DIP2C: variants seen among roughly 807,000 people sequenced by gnomAD.
The protein encoded by DIP2C is DIP2 acetate--CoA ligase C (putative).
In DIP2C, 33 loss-of-function variants were observed where a neutral mutation model predicts 192.4. That is an observed-to-expected ratio of 0.17 (90% confidence interval 0.13 to 0.23). The LOEUF is 0.23. Among genes scored for constraint, DIP2C ranks in the 10% least tolerant of loss-of-function variants. The pLI is 1.00. For missense variants in DIP2C, 1,537 were observed against 2,110.1 expected, an observed-to-expected ratio of 0.73 and a Z score of 5.32; for synonymous variants, 979 against 864.1, an observed-to-expected ratio of 1.13 and a Z score of -2.33.
chr10:406,395 C>T (rs1964809402), intron 9 of DIP2C, among the ~76,000 whole-genome samples: 1 of 152,238 alleles, frequency 6.6e-6, no homozygotes, highest in African/African-American at 2.4e-5. Context: ...CTTTGCATTC[C>T]TCTCCCCCAG....
intron 1 of DIP2C, among the ~76,000 whole-genome samples, chr10:535,925 C>A (rs1847669090): frequency 6.6e-6 from 1 of 152,246 alleles, no homozygotes; most frequent in Non-Finnish European, 1.5e-5. Flanking sequence ...ACATTTTCAA[C>A]ATTTCTCTCC....
intron 31 of DIP2C, among the ~76,000 whole-genome samples, chr10:315,394 T>C (rs1417831065): frequency 6.6e-6 from 1 of 152,228 alleles, no homozygotes; most frequent in Non-Finnish European, 1.5e-5. Context: ...ATTCTTACTA[T>C]TTCTTGTGAC....
chr10:679,079 A>G (rs1387940956), intron 1 of DIP2C, among the ~76,000 whole-genome samples: 1 of 4,856 alleles, frequency 2.1e-4, no homozygotes, highest in African/African-American at 2.7e-4. Flanking sequence ...CATGCTCCCC[A>G]CACCCGTGCT....
intron 1 of DIP2C, among the ~76,000 whole-genome samples, chr10:646,587 C>A (rs569386042): frequency 6.6e-6 from 1 of 152,316 alleles, no homozygotes. Flanking sequence ...TTTTACTTTG[C>A]TGTTAAATTA....
intron 4 of DIP2C, among the ~76,000 whole-genome samples, chr10:438,383 G>C (rs552730876): frequency 2.0e-5 from 3 of 152,096 alleles, no homozygotes; most frequent in Non-Finnish European, 4.4e-5. Context: ...TTTCAAGTGG[G>C]TTATCCTTTT....
At chr10:491,352 ATGTTGGGAATTCTACGGC>A (rs1171420888) in intron 1 of DIP2C, among the ~76,000 whole-genome samples, 2 of 152,362 alleles carry the variant, frequency 1.3e-5, no homozygotes, top group East Asian at 3.9e-4. Context: ...AATCGTTTCC[ATGTTGGGAATTCTACGGC>A]TGTCAGGAGC....
chr10:569,285 G>A (rs1849639050), intron 1 of DIP2C, among the ~76,000 whole-genome samples: 1 of 152,156 alleles, frequency 6.6e-6, no homozygotes, highest in African/African-American at 2.4e-5. Context: ...TAATGTCATT[G>A]ATTCTCAAGC....
chr10:367,414 CAG>C (rs760435508), intron 18 of DIP2C, among the ~76,000 whole-genome samples: 1 of 131,732 alleles, frequency 7.6e-6, no homozygotes, highest in Non-Finnish European at 1.6e-5. Flanking sequence ...GACTCCGTCT[CAG>C]AAAAAAAAAA....
chr10:569,326 C>T (rs1209831335), intron 1 of DIP2C, among the ~76,000 whole-genome samples: 17 of 152,070 alleles, frequency 1.1e-4, no homozygotes, highest in Non-Finnish European at 1.5e-4. Context: ...TTTGAACAAC[C>T]CTCAATGGAG....
intron 25 of DIP2C, among the ~76,000 whole-genome samples, 186 bp downstream of exon 25, chr10:349,145 G>A (rs1437300844): frequency 6.6e-6 from 1 of 152,228 alleles, no homozygotes; most frequent in African/African-American, 2.4e-5. Context: ...AGTAGCACAT[G>A]CGGCTGGTGC....
intron 9 of DIP2C, among the ~76,000 whole-genome samples, chr10:400,349 C>G (rs1017442296): frequency 6.6e-6 from 1 of 152,204 alleles, no homozygotes; most frequent in African/African-American, 2.4e-5. Context: ...TGGTCCTTAA[C>G]AGTATGGTGT....
chr10:480,930 C>T (rs1017886753), intron 2 of DIP2C, among the ~76,000 whole-genome samples: 7 of 152,206 alleles, frequency 4.6e-5, no homozygotes, highest in African/African-American at 1.7e-4. Flanking sequence ...CCCACGTTTC[C>T]CCTCCTCTGG....
chr10:683,822 A>C (rs1890677), intron 1 of DIP2C, among the ~76,000 whole-genome samples: 136,432 of 152,202 alleles, frequency 0.9, 61,920 homozygotes, highest in South Asian at 0.97. Flanking sequence ...TAAATCACTG[A>C]TTAAAAAAAA....
intron 1 of DIP2C, among the ~76,000 whole-genome samples, chr10:638,764 G>A (rs771318210): frequency 6.6e-6 from 1 of 152,168 alleles, no homozygotes; most frequent in Non-Finnish European, 1.5e-5. Context: ...ATTCACCCAG[G>A]ACACTAGAAG....
chr10:515,584 C>A (rs183384983), intron 1 of DIP2C, among the ~76,000 whole-genome samples: 1 of 152,006 alleles, frequency 6.6e-6, no homozygotes, highest in Non-Finnish European at 1.5e-5. Context: ...ATTAGCCAAG[C>A]GTGGTGGCAT....
chr10:590,567 T>C (rs1851340124), intron 1 of DIP2C, among the ~76,000 whole-genome samples: 1 of 152,178 alleles, frequency 6.6e-6, no homozygotes, highest in African/African-American at 2.4e-5. Flanking sequence ...TCATTCACAT[T>C]TCGATTCAAC....
chr10:589,643 T>TCCC lies in DIP2C; in HGVS notation c.85+99848_85+99850dup, dbSNP rs149761372. Among the ~76,000 whole-genome samples the TCCC allele has an allele frequency of 5.2e-3, 799 of 152,298 alleles. 2 individuals are homozygous for TCCC. Among genetic ancestry groups the TCCC allele is most frequent in the Non-Finnish European group, 8.1e-3 (554 of 68,026 alleles). Reference sequence around the variant, plus strand: ...TCCACTCTGTCAGCTAACCCGTGTGTCCCTCCTGAGCATAATTTACGACTT... The same window carrying TCCC: ...TCCACTCTGTCAGCTAACCCGTGTGTCCCCCCTCCTGAGCATAATTTACGACTT... On this transcript the variant is annotated intron_variant, in intron 1 of 36. Coordinates refer to ENST00000280886, the MANE Select transcript of DIP2C (RefSeq NM_014974.3).
chr10:667,544 AAC>A (rs1857169792), intron 1 of DIP2C: 1 of 152,276 alleles, frequency 6.6e-6, no homozygotes, highest in Non-Finnish European at 1.5e-5. Context: ...CAACACTGAC[AAC>A]ACACAACACA....
chr10:408,266 T>C (rs1964950983), intron 9 of DIP2C, among the ~76,000 whole-genome samples: 2 of 152,220 alleles, frequency 1.3e-5, no homozygotes, highest in Admixed American at 1.3e-4. Context: ...TGAGGGTTTA[T>C]CTCTGGGCCC....
Sources: gnomAD v4.1 joint callset for allele counts (sites outside exome capture counted in the v4.1 genomes callset) on GRCh38, gnomAD v4.1.1 for gene constraint, MANE v1.5 for transcripts, NCBI Gene and HGNC (gene_info 2026-07-23, HGNC 2026-07-21) for gene names.